CACNA1C: variants seen among roughly 807,000 people sequenced by gnomAD.
CACNA1C encodes the protein calcium voltage-gated channel subunit alpha1 C.
In CACNA1C, 30 loss-of-function variants were observed where a neutral mutation model predicts 229.0. The ratio of observed to expected loss-of-function variants is 0.13; its 90% CI spans 0.10 to 0.18. The LOEUF (loss-of-function observed/expected upper bound fraction) is 0.18. Among genes scored for constraint, CACNA1C ranks in the 10% least tolerant of loss-of-function variants. CACNA1C has a pLI of 1.00. For missense variants in CACNA1C, 1,658 were observed against 2,845.0 expected, an observed-to-expected ratio of 0.58 and a Z score of 9.49; for synonymous variants, 1,114 against 1,132.5, an observed-to-expected ratio of 0.98 and a Z score of 0.33.
chr12:2,501,886 C>T (rs2099761278), intron 7 of CACNA1C, among the ~76,000 whole-genome samples: 1 of 152,232 alleles, frequency 6.6e-6, no homozygotes, highest in Non-Finnish European at 1.5e-5. Flanking sequence ...AGTAGTTCAG[C>T]CACTGGGAGA....
rs947084841 is a variant in CACNA1C at position 2,067,776 on chromosome 12, G to C, written c.49+14165G>C. Among the ~76,000 whole-genome samples, 2 of 151,958 alleles carry C rather than the reference G, an allele frequency of 1.3e-5. No homozygotes were observed. The highest frequency in any genetic ancestry group is 1.3e-4 in the Admixed American group (2 of 15,262). ...CAACGGTAGAAAGGAGGAGTGATGG[G>C]GCAATCAAGACCACAAGTGCCAACC... On this transcript the variant is annotated intron_variant, in intron 1 of 46. Coordinates refer to ENST00000399655, the MANE Select transcript of CACNA1C (RefSeq NM_000719.7). This position sits in a 1 kb window ranked among gnomAD's most constrained non-coding sequence, Gnocchi z 5.3.
chr12:2,475,419 C>T lies in CACNA1C; in HGVS notation c.758-10685C>T, dbSNP rs1008032139. 2.6e-5 allele frequency among the ~76,000 whole-genome samples: 4 copies of T among 152,080 alleles called. No homozygotes were observed. In the South Asian group the frequency reaches 8.3e-4, roughly 32 times the overall value. On this transcript the variant is annotated intron_variant, in intron 5 of 46. Transcript: ENST00000399655. ...AGAAACTATAGACCATAGAAATAGA[C>T]CCACAGGGAATTGAGATATTGGAAT...
At chr12:2,278,776 A>G (rs2089956129) in intron 3 of CACNA1C, among the ~76,000 whole-genome samples, 1 of 152,200 alleles carries the variant, frequency 6.6e-6, no homozygotes, top group Non-Finnish European at 1.5e-5. Context: ...ATCATGTGGT[A>G]GTGTACGTTT....
At position 2,686,248 on chromosome 12, in the gene CACNA1C, C is replaced by T. The variant is rs1470737165; in HGVS notation, c.5763C>T (p.Pro1921=). Residue 1921 remains proline (P), a synonymous_variant, in exon 45 of 47, where the codon CCC becomes CCT. Coordinates refer to ENST00000399655, the MANE Select transcript of CACNA1C (RefSeq NM_000719.7). ...GGDISQKTVL[P]LHLVHHQALA... ...ACATCTCTCAGAAGACAGTCCTGCCCTTGCATCTGGTTCATCATCAGGTAG... is the reference window on the plus strand; with the variant it reads ...ACATCTCTCAGAAGACAGTCCTGCCTTTGCATCTGGTTCATCATCAGGTAG... 6.2e-7 allele frequency: 1 copy of T among 1,612,078 alleles called. No homozygotes were observed. Among genetic ancestry groups the T allele is most frequent in the African/African-American group, 1.3e-5 (1 of 74,882 alleles).
chr12:2,693,471 A>G lies in CACNA1C; in HGVS notation c.*2272A>G, dbSNP rs1002403728. On this transcript the variant is annotated 3_prime_UTR_variant, in exon 47 of 47. Transcript: ENST00000399655. ...CGGATTCTTGTTGCTCTACCCAACA[A>G]GGACAGCAGGGGCTCGAGAAAGGAA... The G allele has an allele frequency of 1.3e-5, 2 of 152,230 alleles. No homozygotes were observed. Among genetic ancestry groups the G allele is most frequent in the African/African-American group, 4.8e-5 (2 of 41,456 alleles). 9.4% of individuals were successfully genotyped at this position (152,230 alleles called of 1,614,324 possible). A position where few individuals can be genotyped will look rare whatever the true frequency, so the allele number is the denominator to read the frequency against.
chr12:2,448,956 T>C lies in CACNA1C; in HGVS notation c.478-20T>C. ...AAACCAATGACTTATTTTTCTCTCT[T>C]TTCTATTTCTGTTTCCTAGGAACGA... On this transcript the variant is annotated intron_variant, in intron 3 of 46. Coordinates refer to ENST00000399655, the MANE Select transcript of CACNA1C (RefSeq NM_000719.7). 1 of 1,597,490 alleles carries C rather than the reference T, an allele frequency of 6.3e-7. No individual in the cohort carries two copies. The highest frequency in any genetic ancestry group is 8.6e-7 in the Non-Finnish European group (1 of 1,169,102).
chr12:2,160,713 C>T (rs2095812259), intron 3 of CACNA1C, among the ~76,000 whole-genome samples: 1 of 152,204 alleles, frequency 6.6e-6, no homozygotes, highest in Non-Finnish European at 1.5e-5. Context: ...CTAATGGAAA[C>T]TGCCCATTTA....
At chr12:2,427,479 C>A (rs905824805) in intron 3 of CACNA1C, among the ~76,000 whole-genome samples, 1 of 151,982 alleles carries the variant, frequency 6.6e-6, no homozygotes, top group Admixed American at 6.6e-5. Context: ...CACTGGATAG[C>A]CTATGAAGAT....
Position 2,019,568 on chromosome 12 carries a change from A to C in CACNA1C, c.139+48367A>C, listed in dbSNP as rs541166018. 7.0e-4 allele frequency among the ~76,000 whole-genome samples: 91 copies of C among 130,344 alleles called. 1 individual carries two copies. Among genetic ancestry groups the C allele is most frequent in the African/African-American group, 2.9e-3 (89 of 30,836 alleles). 85.5% of individuals were successfully genotyped at this position (130,344 alleles called of 152,430 possible). A position where few individuals can be genotyped will look rare whatever the true frequency, so the allele number is the denominator to read the frequency against. ...AAGGAAAGAAGGAAGGAAGGAAGGAAAGAAAAGAAAGAGAGAGAGAAAGAA... is the reference window on the plus strand; with the variant it reads ...AAGGAAAGAAGGAAGGAAGGAAGGACAGAAAAGAAAGAGAGAGAGAAAGAA... On this transcript the variant is annotated intron_variant, in intron 1 of 46. Transcript: ENST00000682462.
In CACNA1C at chr12:2,036,315, G is replaced by A. The variant is rs145687010; in HGVS notation, c.139+65114G>A. Among the ~76,000 whole-genome samples, 842 of 152,340 alleles carry A rather than the reference G, an allele frequency of 5.5e-3. 6 individuals are homozygous for A. Among genetic ancestry groups the A allele is most frequent in the Non-Finnish European group, 8.7e-3 (593 of 68,034 alleles). ...GGGCCACTCACAGCTGGACCTTCCA[G>A]AAGTCACTTCAGGGTAGGCGCTCTG... On this transcript the variant is annotated intron_variant, in intron 1 of 46. Transcript: ENST00000682462.
intron 3 of CACNA1C, among the ~76,000 whole-genome samples, chr12:2,325,788 T>G (rs762226815): frequency 2.6e-5 from 4 of 152,230 alleles, no homozygotes; most frequent in East Asian, 1.9e-4. Flanking sequence ...GGTGGTGGTG[T>G]TCTGTACCTT....
chr12:2,045,174 G>A (rs368718869), intron 1 of CACNA1C, among the ~76,000 whole-genome samples: 10 of 152,182 alleles, frequency 6.6e-5, no homozygotes, highest in Non-Finnish European at 1.2e-4. Context: ...TCTTAGGACC[G>A]TGTTTTGAAA....
intron 38 of CACNA1C, among the ~76,000 whole-genome samples, chr12:2,671,054 C>T (rs2096544472): frequency 6.6e-6 from 1 of 150,448 alleles, no homozygotes; most frequent in African/African-American, 2.4e-5. Context: ...CTCGCTCTGT[C>T]GCCAGGCTGG....
intron 8 of CACNA1C, among the ~76,000 whole-genome samples, chr12:2,510,627 G>A (rs1290435181): frequency 2.0e-5 from 3 of 152,164 alleles, no homozygotes; most frequent in African/African-American, 7.2e-5. Context: ...TTGAGTCCCA[G>A]TCCTATTCTC....
chr12:2,254,181 C>T (rs942758236), intron 3 of CACNA1C, among the ~76,000 whole-genome samples: 2 of 152,178 alleles, frequency 1.3e-5, no homozygotes, highest in African/African-American at 4.8e-5. Flanking sequence ...TGTGTGTGCC[C>T]AGCACTGTGC....
At chr12:2,473,647 T>C (rs558159634) in intron 5 of CACNA1C, among the ~76,000 whole-genome samples, 25 of 152,274 alleles carry the variant, frequency 1.6e-4, no homozygotes, top group Admixed American at 1.4e-3. Context: ...TTTAAAGATG[T>C]TGAAACCTGG....
chr12:2,618,612 C>T (rs560057120), intron 29 of CACNA1C, among the ~76,000 whole-genome samples: 1 of 152,356 alleles, frequency 6.6e-6, no homozygotes, highest in African/African-American at 2.4e-5. Context: ...CCTGAGGGGC[C>T]AGGGGAACCC....
At chr12:2,502,567 C>T (rs1285700902) in intron 7 of CACNA1C, among the ~76,000 whole-genome samples, 1 of 152,140 alleles carries the variant, frequency 6.6e-6, no homozygotes, top group Non-Finnish European at 1.5e-5. Flanking sequence ...GCCCCAGACA[C>T]GATATTTGCA....
chr12:2,218,745 G>T (rs552053447), intron 3 of CACNA1C, among the ~76,000 whole-genome samples: 45 of 152,108 alleles, frequency 3.0e-4, no homozygotes, highest in African/African-American at 1.1e-3. Context: ...TCCTTTTTTT[G>T]TTAGAACAAC....
Sources: gnomAD v4.1 joint callset for allele counts (sites outside exome capture counted in the v4.1 genomes callset) on GRCh38, gnomAD v4.1.1 for gene constraint, Gnocchi (gnomAD v3.1) non-coding constraint, MANE v1.5 for transcripts, NCBI Gene and HGNC (gene_info 2026-07-23, HGNC 2026-07-21) for gene names.